RBP2: variants seen among roughly 807,000 people sequenced by gnomAD.
RBP2 encodes retinol binding protein 2.
RBP2 carries 17 observed loss-of-function variants against 17.0 expected under a neutral mutation model. The observed-to-expected ratio is 1.00, with a 90% confidence interval of 0.68 to 1.50. RBP2 has a LOEUF of 1.50. Ranked by LOEUF, RBP2 falls within the 40% of genes most tolerant of loss-of-function variation. The pLI is 0.00. For synonymous variants in RBP2, 48 were observed against 57.1 expected (o/e 0.84, Z 0.72); for missense variants, 158 against 168.2 (o/e 0.94, Z 0.33).
intron 1 of RBP2, among the ~76,000 whole-genome samples, chr3:139,465,637 CTT>C (rs1184499835): frequency 6.6e-6 from 1 of 152,122 alleles, no homozygotes; most frequent in Non-Finnish European, 1.5e-5. Flanking sequence ...ATACTAGTAA[CTT>C]CTGATTCTGT....
intron 1 of RBP2, among the ~76,000 whole-genome samples, chr3:139,471,462 C>A (rs1933567106): frequency 6.6e-6 from 1 of 152,206 alleles, no homozygotes; most frequent in Non-Finnish European, 1.5e-5. Context: ...CCCACTAGAA[C>A]TGTTTGTGAT....
chr3:139,454,878 C>A, intron 2 of RBP2, 48 bp from the exon 3 acceptor site: 1 of 1,554,634 alleles, frequency 6.4e-7, no homozygotes, highest in Non-Finnish European at 8.9e-7. Flanking sequence ...TCTTGAGGGA[C>A]TGAACAAATC....
chr3:139,465,539 T>C (rs889682763), intron 1 of RBP2, among the ~76,000 whole-genome samples: 2 of 152,218 alleles, frequency 1.3e-5, no homozygotes, highest in Non-Finnish European at 2.9e-5. Flanking sequence ...TAGGATGATC[T>C]GTCTCAAGGG....
chr3:139,469,166 T>A (rs1933465000), intron 1 of RBP2, among the ~76,000 whole-genome samples: 1 of 152,158 alleles, frequency 6.6e-6, no homozygotes, highest in Non-Finnish European at 1.5e-5. Context: ...GGGCTTCAAA[T>A]TTGGACTCCT....
chr3:139,461,923 T>C (rs994769255), intron 2 of RBP2, among the ~76,000 whole-genome samples, 189 bp downstream of exon 2: 1 of 152,196 alleles, frequency 6.6e-6, no homozygotes, highest in African/African-American at 2.4e-5. Context: ...GCTCTTAATC[T>C]CTCCTAGGCC....
At chr3:139,454,688 T>TAAGC in intron 3 of RBP2, 41 bp downstream of exon 3, 1 of 1,592,782 alleles carries the variant, frequency 6.3e-7, no homozygotes, top group Non-Finnish European at 8.6e-7. Flanking sequence ...GTAGCGTGTG[T>TAAGC]AAGCACAATG....
intron 1 of RBP2, 116 bp downstream of exon 1, chr3:139,476,271 A>C: frequency 4.0e-6 from 3 of 757,912 alleles, no homozygotes; most frequent in Non-Finnish European, 4.5e-6. Flanking sequence ...ACAGCTGTAC[A>C]TGAGGCATGA....
At chr3:139,462,558 A>AACACACAACACACACACAC (rs1933225654) in intron 1 of RBP2, among the ~76,000 whole-genome samples, 1 of 121,348 alleles carries the variant, frequency 8.2e-6, no homozygotes, top group Non-Finnish European at 1.6e-5. Flanking sequence ...GCAGCTCCCC[A>AACACACAACACACACACAC]ACACACACAC....
At chr3:139,472,627 T>C (rs1327121972) in intron 1 of RBP2, among the ~76,000 whole-genome samples, 1 of 152,164 alleles carries the variant, frequency 6.6e-6, no homozygotes. Flanking sequence ...GACATGCATA[T>C]GAGTAAGGAA....
chr3:139,474,181 G>A (rs1260566719), intron 1 of RBP2, among the ~76,000 whole-genome samples: 1 of 152,314 alleles, frequency 6.6e-6, no homozygotes, highest in Non-Finnish European at 1.5e-5. Context: ...AACCTCAATG[G>A]TGAAGATATT....
chr3:139,471,339 G>C (rs181464171), intron 1 of RBP2, among the ~76,000 whole-genome samples: 28 of 152,336 alleles, frequency 1.8e-4, no homozygotes, highest in African/African-American at 4.8e-4. Flanking sequence ...GTCAAGATGA[G>C]ATTTTGCACA....
chr3:139,453,435 A>G (rs906465160), intron 3 of RBP2, among the ~76,000 whole-genome samples: 1 of 152,268 alleles, frequency 6.6e-6, no homozygotes, highest in Non-Finnish European at 1.5e-5. Context: ...TACTCCCATG[A>G]TTAAAGTAAC....
rs114018493 is a variant in RBP2, at chr3:139,476,199, T to G, written c.73+188A>C. Among the ~76,000 whole-genome samples, 673 of 152,250 alleles carry G rather than the reference T, an allele frequency of 4.4e-3. 7 individuals carry two copies. The highest frequency in any genetic ancestry group is 0.016 in the African/African-American group (655 of 41,536). ...CTAGACATAATCTCATTTATCATTATTCCCAGTTTCCAGATGAGAAAACTG... is the reference window on the plus strand; with the variant it reads ...CTAGACATAATCTCATTTATCATTAGTCCCAGTTTCCAGATGAGAAAACTG... On this transcript the variant is annotated intron_variant, in intron 1 of 3. Coordinates refer to ENST00000232217, the MANE Select transcript of RBP2 (RefSeq NM_004164.3).
At chr3:139,461,648 A>G (rs1225497483) in intron 2 of RBP2, among the ~76,000 whole-genome samples, 2 of 152,132 alleles carry the variant, frequency 1.3e-5, no homozygotes. Flanking sequence ...CAGCAGAATC[A>G]TAAAAATTTG....
intron 2 of RBP2, among the ~76,000 whole-genome samples, chr3:139,461,648 A>T (rs1225497483): frequency 1.3e-5 from 2 of 152,132 alleles, no homozygotes; most frequent in Non-Finnish European, 2.9e-5. Context: ...CAGCAGAATC[A>T]TAAAAATTTG....
Position 139,462,283 on chromosome 3 carries a change from A to G in RBP2, c.81T>C (p.Asp27=), listed in dbSNP as rs1933216281. Residue 27 remains aspartate, a synonymous_variant, in exon 2 of 4, where the codon GAT becomes GAC. Coordinates refer to ENST00000232217, the MANE Select transcript of RBP2 (RefSeq NM_004164.3). ...GTACTGCAATCTTGCGGGTGGCAAAATCAATATCTGTTGGCAAAGGGAGTT... is the reference window on the plus strand; with the variant it reads ...GTACTGCAATCTTGCGGGTGGCAAAGTCAATATCTGTTGGCAAAGGGAGTT... ...FEGYMKALDI[D]FATRKIAVRL... is the part of the protein sequence containing the mutation. The G allele has an allele frequency of 6.2e-7, 1 of 1,614,056 alleles. No individual in the cohort carries two copies. The highest frequency in any genetic ancestry group is 8.5e-7 in the Non-Finnish European group (1 of 1,179,970).
chr3:139,468,247 G>T (rs1344127345), intron 1 of RBP2, among the ~76,000 whole-genome samples: 1 of 152,164 alleles, frequency 6.6e-6, no homozygotes, highest in East Asian at 1.9e-4. Flanking sequence ...ACCCAGTTAG[G>T]ATAGCACTCC....
intron 3 of RBP2, 116 bp downstream of exon 3, chr3:139,454,613 G>A: frequency 2.3e-6 from 2 of 888,694 alleles, no homozygotes. Flanking sequence ...CATGCATTTG[G>A]CTGGAGCTCG....
chr3:139,472,026 C>T (rs1933585407), intron 1 of RBP2, among the ~76,000 whole-genome samples: 1 of 152,236 alleles, frequency 6.6e-6, no homozygotes, highest in South Asian at 2.1e-4. Flanking sequence ...GCACTTCACT[C>T]CTTGGTAATA....
Sources: allele counts gnomAD v4.1 joint callset (sites outside exome capture counted in the v4.1 genomes callset), GRCh38; gene constraint gnomAD v4.1.1; transcripts MANE v1.5; gene names NCBI Gene and HGNC (gene_info 2026-07-23, HGNC 2026-07-21).